Variants in TSPAN1 observed in about 807,000 individuals in gnomAD.
TSPAN1 encodes tetraspanin-1.
In TSPAN1, 23 loss-of-function variants were observed where a neutral mutation model predicts 26.9. The ratio of observed to expected loss-of-function variants is 0.85; its 90% CI spans 0.62 to 1.21. TSPAN1 has a LOEUF of 1.21. Among genes scored for constraint, TSPAN1 ranks in the 50% most tolerant of loss-of-function variants. The pLI is 0.00. For missense variants in TSPAN1, 283 were observed against 298.4 expected, an observed-to-expected ratio of 0.95 and a Z score of 0.38; for synonymous variants, 115 against 114.8, an observed-to-expected ratio of 1.00 and a Z score of -0.01.
At chr1:46,180,771 G>C (rs527593389) in intron 2 of TSPAN1, 113 bp downstream of exon 2, 14 of 351,564 alleles carry the variant, frequency 4.0e-5, no homozygotes, top group African/African-American at 2.5e-4. Context: ...GTTAGTGTGG[G>C]GGGGAGCACA....
the TSPAN1 span, chr1:46,192,355 A>G: frequency 6.2e-7 from 1 of 1,613,722 alleles, no homozygotes; most frequent in South Asian, 1.1e-5. Flanking sequence ...TTGTACAAGG[A>G]CCTCCTGAGC....
downstream of TSPAN1, chr1:46,189,881 G>C: frequency 6.2e-7 from 1 of 1,613,964 alleles, no homozygotes; most frequent in Admixed American, 1.7e-5. Context: ...AGGTGGTGAA[G>C]TCATCATCTT....
chr1:46,182,313 A>AAAAAAAAAAAAAAAAAAAAAAAAAC (rs1256911000), intron 3 of TSPAN1, among the ~76,000 whole-genome samples: 2 of 145,452 alleles, frequency 1.4e-5, no homozygotes, highest in African/African-American at 5.0e-5. Context: ...GCAAAAAAAA[A>AAAAAAAAAAAAAAAAAAAAAAAAAC]AAAAGCCACT....
chr1:46,194,573 A>G, the TSPAN1 span: 1 of 1,613,984 alleles, frequency 6.2e-7, no homozygotes, highest in Non-Finnish European at 8.5e-7. Context: ...GCTCAATGGC[A>G]CATCTGTCTT....
At chr1:46,184,020 G>T in intron 3 of TSPAN1, 171 bp from the exon 4 acceptor site, 1 of 668,404 alleles carries the variant, frequency 1.5e-6, no homozygotes, top group Non-Finnish European at 2.6e-6. Context: ...GCATATCCCA[G>T]CTCCCATTTT....
At chr1:46,184,523 G>A (rs1657383034) in intron 4 of TSPAN1, 71 bp from the exon 5 acceptor site, 7 of 1,604,586 alleles carry the variant, frequency 4.4e-6, no homozygotes, top group Admixed American at 3.3e-5. Context: ...CTTTTCCGGG[G>A]GGGGGATTAG....
chr1:46,190,318 A>C, downstream of TSPAN1: 7 of 993,228 alleles, frequency 7.0e-6, no homozygotes, highest in Non-Finnish European at 1.1e-5. Flanking sequence ...TGCTGGGATT[A>C]CAGGCGTGAG....
At chr1:46,192,670 T>C in the TSPAN1 span, 1 of 1,603,582 alleles carries the variant, frequency 6.2e-7, no homozygotes, top group South Asian at 1.1e-5. Flanking sequence ...TTGCTGGAGC[T>C]GGGTCTCAGG....
downstream of TSPAN1, chr1:46,188,832 A>G (rs1225796352): frequency 1.2e-6 from 2 of 1,612,780 alleles, no homozygotes; most frequent in Admixed American, 1.7e-5. Context: ...GGGCCTGTCC[A>G]TGGGTTGGGC....
the TSPAN1 span, chr1:46,192,014 G>A: frequency 1.3e-6 from 2 of 1,499,494 alleles, no homozygotes; most frequent in Non-Finnish European, 1.8e-6. Flanking sequence ...CTAGCAAGTA[G>A]CAGAGCTAAG....
the TSPAN1 span, chr1:46,191,490 C>T: frequency 5.3e-6 from 1 of 187,258 alleles, no homozygotes; most frequent in African/African-American, 2.4e-5. Context: ...AAATACTCTC[C>T]CCAGACACCC....
At chr1:46,193,297 T>C in the TSPAN1 span, 2 of 1,613,758 alleles carry the variant, frequency 1.2e-6, no homozygotes, top group Admixed American at 1.7e-5. Flanking sequence ...CACTTGCCTA[T>C]GCAGTACCTG....
Position 46,185,305 on chromosome 1 carries a change from C to T in TSPAN1, c.675C>T (p.Leu225=), listed in dbSNP as rs1395166034. The change falls in exon 8 of 9, where the codon CTC becomes CTT. Residue 225 remains leucine (L), a synonymous_variant. Transcript: ENST00000372003. The stretch of plus-strand genomic sequence containing the variant: ...GTGTGGCAGCTGGAATTGGGGGCCT[C>T]GAGGTAAGCAGATGAGGAGGCTGGG... ...VGGVAAGIGG[L]ELAAMIVSMY... 8.7e-6 allele frequency: 14 copies of T among 1,613,822 alleles called. No individual in the cohort carries two copies. The highest frequency in any genetic ancestry group is 3.3e-5 in the Admixed American group (2 of 59,988).
At chr1:46,190,937 G>A (rs756986134), downstream of TSPAN1, 5 of 729,746 alleles carry the variant, frequency 6.9e-6, no homozygotes, top group Non-Finnish European at 1.2e-5. Flanking sequence ...CCTCTTTGCA[G>A]CATCCTCAGC....
chr1:46,175,532 T>C (rs1657111764), intron 1 of TSPAN1, 123 bp downstream of exon 1: 2 of 398,864 alleles, frequency 5.0e-6, no homozygotes, highest in Non-Finnish European at 8.8e-6. Context: ...ACACGGCCCC[T>C]AGGAGATGCA....
At chr1:46,189,533 T>C (rs1189806159), downstream of TSPAN1, 3 of 1,613,118 alleles carry the variant, frequency 1.9e-6, no homozygotes, top group East Asian at 6.7e-5. Context: ...GCCCCGATGG[T>C]TGCCACGCAC....
At chr1:46,183,099 G>A (rs1242442542) in intron 3 of TSPAN1, among the ~76,000 whole-genome samples, 1 of 152,188 alleles carries the variant, frequency 6.6e-6, no homozygotes, top group Non-Finnish European at 1.5e-5. Context: ...ACAGGCATGA[G>A]CCACTGTGCC....
At chr1:46,188,671 TC>T (rs1657501319), downstream of TSPAN1, 11 of 1,571,450 alleles carry the variant, frequency 7.0e-6, no homozygotes, top group Admixed American at 2.0e-4. Context: ...AAAATCACAA[TC>T]ACAAGACATC....
At chr1:46,194,562 A>G in the TSPAN1 span, 1 of 1,613,966 alleles carries the variant, frequency 6.2e-7, no homozygotes, top group East Asian at 2.2e-5. Flanking sequence ...CCTTCTGCTG[A>G]GCTCAATGGC....
Sources: gnomAD v4.1 joint callset for allele counts (sites outside exome capture counted in the v4.1 genomes callset) on GRCh38, gnomAD v4.1.1 for gene constraint, MANE v1.5 for transcripts, NCBI Gene and HGNC (gene_info 2026-07-23, HGNC 2026-07-21) for gene names.